The following ARHGEF11 variants were observed in gnomAD, a reference collection of about 807,000 sequenced individuals.
ARHGEF11 encodes Rho guanine exchange factor (GEF) 11.
A neutral mutation model predicts 193.7 loss-of-function variants in ARHGEF11; 55 were observed. The ratio of observed to expected loss-of-function variants is 0.28; its 90% CI spans 0.23 to 0.36. ARHGEF11 has a LOEUF of 0.36. ARHGEF11 is among the 10% of genes least tolerant of loss of function. The pLI is 1.00. For synonymous variants in ARHGEF11, 693 were observed against 768.0 expected, an observed-to-expected ratio of 0.90 and a Z score of 1.62; for missense variants, 1,723 against 2,005.6, an observed-to-expected ratio of 0.86 and a Z score of 2.69.
chr1:156,982,173 T>C (rs1286969675), intron 3 of ARHGEF11, among the ~76,000 whole-genome samples: 1 of 152,024 alleles, frequency 6.6e-6, no homozygotes, highest in Non-Finnish European at 1.5e-5. Flanking sequence ...ACACGTGAGG[T>C]GACTTCTAAT....
intron 1 of ARHGEF11, among the ~76,000 whole-genome samples, chr1:157,029,331 G>A (rs111676250): frequency 0.024 from 3,680 of 151,876 alleles, 144 homozygotes; most frequent in African/African-American, 0.084. Flanking sequence ...GTACAATGGC[G>A]CAATCTCAGC....
At chr1:156,994,972 C>G (rs181789371) in intron 1 of ARHGEF11, among the ~76,000 whole-genome samples, 86 of 152,148 alleles carry the variant, frequency 5.7e-4, no homozygotes, top group East Asian at 1.9e-4. Context: ...CAGTAAAACA[C>G]TGCCGTGCAC....
chr1:156,949,892 C>A (rs558268578), intron 22 of ARHGEF11, among the ~76,000 whole-genome samples: 7 of 152,266 alleles, frequency 4.6e-5, no homozygotes, highest in Admixed American at 3.3e-4. Flanking sequence ...CAATCTCTGA[C>A]CCACCATATT....
At chr1:157,046,342 C>G (rs1260476631), upstream of ARHGEF11, among the ~76,000 whole-genome samples, 2 of 152,156 alleles carry the variant, frequency 1.3e-5, no homozygotes, top group Non-Finnish European at 2.9e-5. Flanking sequence ...TACCCCCTGC[C>G]CGCCCAGCCA....
intron 11 of ARHGEF11, among the ~76,000 whole-genome samples, chr1:156,964,491 C>G (rs902157117): frequency 6.6e-6 from 1 of 152,166 alleles, no homozygotes; most frequent in Non-Finnish European, 1.5e-5. Context: ...TATTTTAACC[C>G]AGACCTATGA....
chr1:157,002,130 C>A (rs989200669), intron 1 of ARHGEF11, among the ~76,000 whole-genome samples: 3 of 152,070 alleles, frequency 2.0e-5, no homozygotes, highest in African/African-American at 7.2e-5. Context: ...AGGACCTAGA[C>A]ACATATAATG....
At chr1:156,996,222 AC>A (rs1254951829) in intron 1 of ARHGEF11, among the ~76,000 whole-genome samples, 17 of 152,240 alleles carry the variant, frequency 1.1e-4, no homozygotes, top group Non-Finnish European at 1.8e-4. Flanking sequence ...CCAGATTGCT[AC>A]AACTGAATTC....
chr1:157,024,622 T>C (rs1670425593), intron 1 of ARHGEF11, among the ~76,000 whole-genome samples: 1 of 152,130 alleles, frequency 6.6e-6, no homozygotes, highest in East Asian at 1.9e-4. Context: ...TGCTATGCTA[T>C]GTAAATATCT....
intron 35 of ARHGEF11, 49 bp from the exon 36 acceptor site, chr1:156,940,474 G>T (rs774461354): frequency 3.3e-6 from 5 of 1,529,728 alleles, no homozygotes; most frequent in African/African-American, 1.4e-5. Flanking sequence ...GAGAGGGCAC[G>T]TATGGGAGAG....
intron 11 of ARHGEF11, among the ~76,000 whole-genome samples, chr1:156,965,669 A>AT (rs1270949576): frequency 1.3e-5 from 2 of 152,088 alleles, no homozygotes; most frequent in African/African-American, 4.8e-5. Flanking sequence ...TTTAAATTCT[A>AT]TTTTTTGTGA....
At chr1:156,964,397 T>G (rs1351035421) in intron 11 of ARHGEF11, among the ~76,000 whole-genome samples, 1 of 152,228 alleles carries the variant, frequency 6.6e-6, no homozygotes, top group Non-Finnish European at 1.5e-5. Context: ...CTAACTGTAT[T>G]TCTCACTCAA....
intron 1 of ARHGEF11, among the ~76,000 whole-genome samples, chr1:157,035,593 C>T (rs1414096385): frequency 6.6e-6 from 1 of 151,356 alleles, no homozygotes; most frequent in Non-Finnish European, 1.5e-5. Context: ...TTAGTAGAGA[C>T]GGGGTTTCTC....
rs1660180714 is a variant in ARHGEF11, at chr1:156,957,802, C to G, written c.1516G>C (p.Glu506Gln). ...ALGDILSKYE[E>Q]DRSAPMDFAL... is the part of the protein sequence containing the mutation. ...CATAGACTTGCTTACCTCCTGTCTTCCTCATACTTGGACCTGGAATGGAAG... is the reference window on the plus strand; with the variant it reads ...CATAGACTTGCTTACCTCCTGTCTTGCTCATACTTGGACCTGGAATGGAAG... Residue 506 changes from glutamate (E) to glutamine (Q), a missense_variant, in exon 18 of 41, where the codon GAA (glutamate) becomes CAA (glutamine). By Grantham distance (29) the Glu-to-Gln change is conservative. Coordinates refer to ENST00000368194, the MANE Select transcript of ARHGEF11 (RefSeq NM_198236.3). The G allele has an allele frequency of 6.2e-7, 1 of 1,614,146 alleles. No homozygotes were observed. Among genetic ancestry groups the G allele is most frequent in the East Asian group, 2.2e-5 (1 of 44,882 alleles).
At chr1:156,940,921 C>T (rs114997688) in intron 35 of ARHGEF11, among the ~76,000 whole-genome samples, 1,647 of 152,296 alleles carry the variant, frequency 0.011, 21 homozygotes, top group Admixed American at 0.03. Context: ...TTATTTCTCA[C>T]GCAAGCTCTC....
At chr1:157,000,974 A>G (rs1341631191) in intron 1 of ARHGEF11, among the ~76,000 whole-genome samples, 1 of 152,102 alleles carries the variant, frequency 6.6e-6, no homozygotes, top group Non-Finnish European at 1.5e-5. Context: ...CAGACAGGGG[A>G]GGTTATTCCA....
intron 11 of ARHGEF11, 193 bp downstream of exon 11, chr1:156,967,794 A>T: frequency 7.7e-6 from 5 of 651,138 alleles, no homozygotes; most frequent in African/African-American, 1.8e-5. Context: ...AGCCAGCCTT[A>T]CTTTCATATC....
At chr1:157,038,240 C>T (rs79176763) in intron 1 of ARHGEF11, among the ~76,000 whole-genome samples, 2,588 of 148,686 alleles carry the variant, frequency 0.017, 38 homozygotes, top group Non-Finnish European at 0.025. Flanking sequence ...GACTACAGAT[C>T]CCATCACACC....
Position 157,015,724 on chromosome 1 carries a change from T to C in ARHGEF11, c.32+28575A>G, listed in dbSNP as rs549972461. 5.3e-5 allele frequency among the ~76,000 whole-genome samples: 8 copies of C among 152,342 alleles called. No individual in the cohort carries two copies. The East Asian group carries it at 1.5e-3, about 29-fold the overall frequency. On this transcript the variant is annotated intron_variant, in intron 1 of 40. Transcript: ENST00000368194. ...GCATGCAGCACAGGCATGTGTGGATTAGTGCCTCTTTCCACTGGAGGAGGA... is the reference window on the plus strand; with the variant it reads ...GCATGCAGCACAGGCATGTGTGGATCAGTGCCTCTTTCCACTGGAGGAGGA...
intron 10 of ARHGEF11, 131 bp from the exon 11 acceptor site, chr1:156,968,255 C>T: frequency 2.0e-6 from 2 of 998,554 alleles, no homozygotes; most frequent in Non-Finnish European, 2.9e-6. Context: ...TGCTCTGTGC[C>T]TGGTATTATA....
Sources: allele counts gnomAD v4.1 joint callset (sites outside exome capture counted in the v4.1 genomes callset), GRCh38; gene constraint gnomAD v4.1.1; transcripts MANE v1.5; gene names NCBI Gene and HGNC (gene_info 2026-07-23, HGNC 2026-07-21).